The following SLC5A10 variants were observed in gnomAD, a reference collection of about 807,000 sequenced individuals.
The protein encoded by SLC5A10 is solute carrier family 5 member 10.
SLC5A10 carries 55 observed loss-of-function variants against 68.9 expected under a neutral mutation model. The observed-to-expected ratio is 0.80, with a 90% CI of 0.64 to 1.00. SLC5A10 has a LOEUF of 1.00. SLC5A10 is among the 50% of genes least tolerant of loss of function. SLC5A10 has a pLI of 0.00. For synonymous variants in SLC5A10, 344 were observed against 344.8 expected, an observed-to-expected ratio of 1.00 and a Z score of 0.02; for missense variants, 732 against 819.3, an observed-to-expected ratio of 0.89 and a Z score of 1.30.
intron 4 of SLC5A10, among the ~76,000 whole-genome samples, chr17:18,960,191 C>T (rs933367722): frequency 6.6e-6 from 1 of 152,238 alleles, no homozygotes; most frequent in African/African-American, 2.4e-5. Flanking sequence ...CCCTCACAGC[C>T]ACCTCCCTCA....
In SLC5A10 at chr17:19,017,321, C is replaced by T. The variant is rs909601621; in HGVS notation, c.1242-2102C>T. On this transcript the variant is annotated intron_variant, in intron 11 of 14. Transcript: ENST00000395645. This position sits in a 1 kb window ranked among gnomAD's most constrained non-coding sequence, Gnocchi z 5.6. ...CTCAACACCCCCAGCCCCTCAAAGC[C>T]GTCTCAGCTTCCTCCTGCCCGAAAC... is the stretch of plus-strand genomic sequence containing the variant. 38 of 1,551,992 alleles carry T rather than the reference C, an allele frequency of 2.4e-5. No homozygotes were observed. Among genetic ancestry groups the T allele is most frequent in the South Asian group, 3.6e-5 (3 of 84,068 alleles).
chr17:18,975,476 A>G (rs111916519), intron 8 of SLC5A10, among the ~76,000 whole-genome samples: 87 of 151,918 alleles, frequency 5.7e-4, no homozygotes, highest in Non-Finnish European at 6.6e-4. Context: ...GATCACCTGA[A>G]GTCGGGAGTT....
chr17:18,978,557 G>C (rs1325846049), intron 9 of SLC5A10: 1 of 1,613,266 alleles, frequency 6.2e-7, no homozygotes, highest in East Asian at 2.2e-5. Flanking sequence ...GGGCTTCTTG[G>C]CCTCCTGCTT....
intron 9 of SLC5A10, among the ~76,000 whole-genome samples, chr17:18,979,871 G>A (rs1010374568): frequency 5.9e-5 from 9 of 152,148 alleles, no homozygotes; most frequent in Non-Finnish European, 1.2e-4. Flanking sequence ...CTGCTGAGCC[G>A]TGAAGCTACA....
chr17:18,969,497 T>C (rs2042785506), intron 7 of SLC5A10, 75 bp downstream of exon 7: 2 of 1,378,906 alleles, frequency 1.5e-6, no homozygotes, highest in Admixed American at 3.6e-5. Flanking sequence ...TGCCCGGCAC[T>C]GTGCAGGATT....
chr17:18,954,264 G>C (rs1163820930), intron 1 of SLC5A10: 13 of 152,424 alleles, frequency 8.5e-5, no homozygotes, highest in Admixed American at 8.5e-4. Flanking sequence ...GATCTGAAGA[G>C]GGAAAGAGGA....
In SLC5A10 at chr17:19,017,162, G is replaced by A. The variant is rs951608741; in HGVS notation, c.1241+1963G>A. 12 of 826,654 alleles carry A rather than the reference G, an allele frequency of 1.5e-5. No individual in the cohort carries two copies. The highest frequency in any genetic ancestry group is 2.4e-5 in the Non-Finnish European group (12 of 509,712). The allele number at this position is 826,654 out of a possible 1,614,324, so 51.2% of individuals were successfully genotyped here. A position where few individuals can be genotyped will look rare whatever the true frequency, so the allele number is the denominator to read the frequency against. ...GAGGAGCAAGGCACAAGGCTGCGTG[G>A]TGCAGGGCAGGTTGCTCACCCTCTC... On this transcript the variant is annotated intron_variant, in intron 11 of 14. Coordinates refer to ENST00000395645, the MANE Select transcript of SLC5A10 (RefSeq NM_001042450.4). The surrounding 1 kb of genome is among the most constrained non-coding windows in gnomAD (Gnocchi z 5.6).
In SLC5A10 at chr17:19,022,223, G is replaced by T; in HGVS notation, c.*1792G>T. ...CCTCCCTCAGAGGCACCCAAGAGAA[G>T]TGATTTGCCACAGGTGAGGAGGGGT... On this transcript the variant is annotated 3_prime_UTR_variant, in exon 15 of 15. Coordinates refer to ENST00000395645, the MANE Select transcript of SLC5A10 (RefSeq NM_001042450.4). 1 of 795,802 alleles carries T rather than the reference G, an allele frequency of 1.3e-6. No homozygotes were observed. The highest frequency in any genetic ancestry group is 2.1e-5 in the South Asian group (1 of 46,944). The allele number at this position is 795,802 out of a possible 1,614,324, so 49.3% of individuals were successfully genotyped here.
chr17:18,959,408 G>A (rs2042569019), intron 3 of SLC5A10, among the ~76,000 whole-genome samples, 169 bp downstream of exon 3: 1 of 152,232 alleles, frequency 6.6e-6, no homozygotes, highest in South Asian at 2.1e-4. Context: ...GGTGCTGGAT[G>A]GCACGACTGG....
At chr17:18,992,572 GC>G (rs1159959828) in intron 9 of SLC5A10, among the ~76,000 whole-genome samples, 1 of 152,216 alleles carries the variant, frequency 6.6e-6, no homozygotes, top group East Asian at 1.9e-4. Context: ...ACAGGCGTGG[GC>G]CTCCTCAATC....
chr17:18,970,874 A>T, intron 7 of SLC5A10, 139 bp from the exon 8 acceptor site: 1 of 722,628 alleles, frequency 1.4e-6, no homozygotes, highest in Non-Finnish European at 2.3e-6. Flanking sequence ...CACCTTTCCA[A>T]ACACTGGGAA....
At chr17:18,977,676 C>G in intron 9 of SLC5A10, 1 of 1,610,538 alleles carries the variant, frequency 6.2e-7, no homozygotes. Context: ...GGGGAGCCAC[C>G]CTGGGGTCCA....
rs1377789505 is a variant in SLC5A10, at chr17:19,017,028, C to T, written c.1241+1829C>T. Among the ~76,000 whole-genome samples the T allele has an allele frequency of 6.6e-6, 1 of 152,196 alleles. No individual in the cohort carries two copies. The highest frequency in any genetic ancestry group is 2.4e-5 in the African/African-American group (1 of 41,452). On this transcript the variant is annotated intron_variant, in intron 11 of 14. Transcript: ENST00000395645. The surrounding 1 kb of genome is among the most constrained non-coding windows in gnomAD (Gnocchi z 5.6). ...GCAACCAAAAGTCTTGACCTGGCCT[C>T]CTGCTGCGCCAGCTCACCCAGCTGC...
intron 8 of SLC5A10, among the ~76,000 whole-genome samples, chr17:18,974,425 C>G (rs561670465): frequency 6.6e-6 from 1 of 152,248 alleles, no homozygotes; most frequent in Admixed American, 6.5e-5. Context: ...TCTGGGCTCC[C>G]GTCTGGGCTA....
chr17:19,011,592 A>G lies in SLC5A10; in HGVS notation c.983-1818A>G, dbSNP rs141975809. Among the ~76,000 whole-genome samples the G allele has an allele frequency of 5.0e-3, 767 of 151,882 alleles. 7 individuals carry two copies. Among genetic ancestry groups the G allele is most frequent in the African/African-American group, 0.018 (734 of 41,398 alleles). ...TGACTCCAAAGTGTGGAGAGGATGG[A>G]CAGGAGGCTGGGGAGGAGCATGGGA... On this transcript the variant is annotated intron_variant, in intron 9 of 14. Transcript: ENST00000395645.
intron 3 of SLC5A10, 27 bp downstream of exon 3, chr17:18,959,266 T>TG: frequency 6.2e-7 from 1 of 1,607,344 alleles, no homozygotes; most frequent in Non-Finnish European, 8.5e-7. Flanking sequence ...TGGCGGCCTG[T>TG]GGGAGGGCCA....
chr17:19,010,904 G>A, intron 9 of SLC5A10, among the ~76,000 whole-genome samples: 1 of 152,150 alleles, frequency 6.6e-6, no homozygotes, highest in East Asian at 1.9e-4. Context: ...GGTAGGGTAG[G>A]GCAGCTGGAT....
At chr17:19,013,595 G>GCTACTGTGGATCTAGTGTGAT in intron 10 of SLC5A10, 78 bp downstream of exon 10, 1 of 364,368 alleles carries the variant, frequency 2.7e-6, no homozygotes, top group Non-Finnish European at 3.9e-6. Flanking sequence ...GGACTGTGGA[G>GCTACTGTGGATCTAGTGTGAT]GCTGCCACTC....
At chr17:18,993,011 A>G (rs1300500656) in intron 9 of SLC5A10, among the ~76,000 whole-genome samples, 2 of 152,210 alleles carry the variant, frequency 1.3e-5, no homozygotes, top group Admixed American at 1.3e-4. Flanking sequence ...GTGCCCTCGC[A>G]GGACGAGTAG....
Sources: gnomAD v4.1 joint callset for allele counts (sites outside exome capture counted in the v4.1 genomes callset) on GRCh38, gnomAD v4.1.1 for gene constraint, Gnocchi (gnomAD v3.1) non-coding constraint, MANE v1.5 for transcripts, NCBI Gene and HGNC (gene_info 2026-07-23, HGNC 2026-07-21) for gene names.